GOLGA7B: variants seen among roughly 807,000 people sequenced by gnomAD.
GOLGA7B encodes the protein golgin subfamily A member 7B.
A neutral mutation model predicts 21.5 loss-of-function variants in GOLGA7B; 17 were observed. That is an observed-to-expected ratio of 0.79 (90% CI 0.54 to 1.19). GOLGA7B has a LOEUF of 1.19. GOLGA7B is among the 50% of genes most tolerant of loss of function. GOLGA7B has a pLI of 0.00. For synonymous variants in GOLGA7B, 87 were observed against 84.0 expected, an observed-to-expected ratio of 1.04 and a Z score of -0.19; for missense variants, 169 against 224.4, an observed-to-expected ratio of 0.75 and a Z score of 1.58.
intron 1 of GOLGA7B, among the ~76,000 whole-genome samples, chr10:97,856,103 A>C (rs914506352): frequency 4.6e-5 from 7 of 152,156 alleles, no homozygotes; most frequent in Non-Finnish European, 1.0e-4. Flanking sequence ...TTTTAGATTC[A>C]GGGAGTACAT....
rs2050060375 is a variant in GOLGA7B, at chr10:97,868,995, C to A, written c.*3295C>A. 1 of 152,242 alleles carries A rather than the reference C, an allele frequency of 6.6e-6. No homozygotes were observed. Among genetic ancestry groups the A allele is most frequent in the Non-Finnish European group, 1.5e-5 (1 of 68,046 alleles). The allele number at this position is 152,242 out of a possible 1,614,324, so 9.4% of individuals were successfully genotyped here. On this transcript the variant is annotated 3_prime_UTR_variant, in exon 5 of 5. Transcript: ENST00000370602. ...ATTTCCCATTTTACATATGGGGAAA[C>A]TGAGGCTCATGGACGTTAAGTAACT...
At chr10:97,858,349 C>CA (rs2049949166) in intron 1 of GOLGA7B, among the ~76,000 whole-genome samples, 1 of 152,160 alleles carries the variant, frequency 6.6e-6, no homozygotes, top group Non-Finnish European at 1.5e-5. Flanking sequence ...AGGAGAGACT[C>CA]AATAAATGAG....
intron 1 of GOLGA7B, 21 bp downstream of exon 1, chr10:97,850,336 C>A (rs749637048): frequency 1.2e-4 from 176 of 1,511,268 alleles, no homozygotes; most frequent in Non-Finnish European, 1.5e-4. Context: ...GCGCCCCACC[C>A]GCAGGCAGTG....
At chr10:97,858,920 TC>T (rs1008107796) in intron 1 of GOLGA7B, among the ~76,000 whole-genome samples, 1 of 152,232 alleles carries the variant, frequency 6.6e-6, no homozygotes, top group African/African-American at 2.4e-5. Flanking sequence ...AGTGCTGGGT[TC>T]CCCAGGCACA....
rs1329387087 is a variant in GOLGA7B at position 97,867,851 on chromosome 10, G to A, written c.*2151G>A. 2 of 152,302 alleles carry A rather than the reference G, an allele frequency of 1.3e-5. No individual in the cohort carries two copies. Among genetic ancestry groups the A allele is most frequent in the African/African-American group, 2.4e-5 (1 of 41,462 alleles). The allele number at this position is 152,302 out of a possible 1,614,324, so 9.4% of individuals were successfully genotyped here. ...CTGCCTGAACTGGACCTGACATGGG[G>A]AGCAGGATGAACTCTGTCTTCTTGG... On this transcript the variant is annotated 3_prime_UTR_variant, in exon 5 of 5. Transcript: ENST00000370602.
intron 2 of GOLGA7B, among the ~76,000 whole-genome samples, 185 bp downstream of exon 2, chr10:97,859,768 C>T (rs2049959374): frequency 6.6e-6 from 1 of 152,242 alleles, no homozygotes; most frequent in South Asian, 2.1e-4. Flanking sequence ...CTTACTGTCT[C>T]CTCATAGAAA....
chr10:97,859,410 C>T (rs377015068), intron 1 of GOLGA7B, 48 bp from the exon 2 acceptor site: 206 of 1,594,150 alleles, frequency 1.3e-4, no homozygotes, highest in Middle Eastern at 5.0e-4. Flanking sequence ...TGGGATATGC[C>T]GAGATGGATG....
chr10:97,857,790 C>G (rs532212298), intron 1 of GOLGA7B, among the ~76,000 whole-genome samples: 1 of 152,266 alleles, frequency 6.6e-6, no homozygotes, highest in Non-Finnish European at 1.5e-5. Context: ...GTATGGGTTA[C>G]TGGTACAAAA....
chr10:97,854,629 A>C (rs1386465465), intron 1 of GOLGA7B, among the ~76,000 whole-genome samples: 10 of 152,194 alleles, frequency 6.6e-5, no homozygotes, highest in Non-Finnish European at 4.4e-5. Flanking sequence ...CAGAGCCTGG[A>C]TAGTAGTCTA....
chr10:97,862,339 C>A (rs953581521), intron 2 of GOLGA7B, among the ~76,000 whole-genome samples: 3 of 152,148 alleles, frequency 2.0e-5, no homozygotes, highest in Non-Finnish European at 4.4e-5. Flanking sequence ...CCTGCACAGT[C>A]AAAAATCTGG....
At chr10:97,865,473 G>C (rs1360461751) in intron 4 of GOLGA7B, 117 bp from the exon 5 acceptor site, 1 of 1,535,716 alleles carries the variant, frequency 6.5e-7, no homozygotes, top group African/African-American at 1.4e-5. Flanking sequence ...CATCCCTACT[G>C]TCTAGGCAGC....
rs773172014 is a variant in GOLGA7B, at chr10:97,857,810, T to C, written c.13-1648T>C. ...GGTTACTGGTACAAAAATAGACACA[T>C]AGACCAATGGAACAGAACACAGAAC... On this transcript the variant is annotated intron_variant, in intron 1 of 4. Coordinates refer to ENST00000370602, the MANE Select transcript of GOLGA7B (RefSeq NM_001010917.3). Among the ~76,000 whole-genome samples the C allele has an allele frequency of 2.0e-5, 3 of 152,250 alleles. No individual in the cohort carries two copies. The South Asian group carries it at 6.2e-4, about 32-fold the overall frequency.
At chr10:97,856,252 G>A (rs940203755) in intron 1 of GOLGA7B, among the ~76,000 whole-genome samples, 9 of 152,084 alleles carry the variant, frequency 5.9e-5, no homozygotes, top group African/African-American at 1.9e-4. Context: ...AATCCCCAGT[G>A]TCTATTATTT....
At chr10:97,858,393 A>G (rs925417846) in intron 1 of GOLGA7B, among the ~76,000 whole-genome samples, 2 of 152,160 alleles carry the variant, frequency 1.3e-5, no homozygotes, top group Non-Finnish European at 2.9e-5. Flanking sequence ...GCTTAATTAC[A>G]TGGGATGAAC....
rs551309826 is a variant in GOLGA7B, at chr10:97,863,387, G to A, written c.139-543G>A. On this transcript the variant is annotated intron_variant, in intron 2 of 4. Transcript: ENST00000370602. ...AGCTTCTCAGGTGTCCAAACACACA[G>A]GGTGGTGGTGTTGTGGGTGACCTCT... 1.1e-3 allele frequency among the ~76,000 whole-genome samples: 172 copies of A among 152,296 alleles called. 1 individual carries two copies. Among genetic ancestry groups the A allele is most frequent in the Admixed American group, 5.6e-3 (86 of 15,306 alleles).
intron 1 of GOLGA7B, among the ~76,000 whole-genome samples, chr10:97,858,366 G>A (rs562701993): frequency 6.6e-6 from 1 of 152,320 alleles, no homozygotes; most frequent in Non-Finnish European, 1.5e-5. Context: ...TGAGAGCTGA[G>A]TGACTGAATG....
In GOLGA7B at chr10:97,864,189, T is replaced by G; in HGVS notation, c.313T>G (p.Tyr105Asp). 1 of 1,614,188 alleles carries G rather than the reference T, an allele frequency of 6.2e-7. No individual in the cohort carries two copies. Among genetic ancestry groups the G allele is most frequent in the Non-Finnish European group, 8.5e-7 (1 of 1,180,018 alleles). Reference protein sequence around the residue: ...YEKVLKKISRYIQEQNEKIFA... With the variant: ...YEKVLKKISRDIQEQNEKIFA... The stretch of plus-strand genomic sequence containing the variant: ...GCAGGTTCTCAAGAAGATTTCCCGC[T>G]ACATCCAGGAGCAGAATGAGAAGAT... Residue 105 changes from tyrosine (Y) to aspartate (D), a missense_variant, in exon 4 of 5, where the codon TAC becomes GAC. Physicochemically the swap from Tyr to Asp is radical, Grantham distance 160 (BLOSUM62 -3). Coordinates refer to ENST00000370602, the MANE Select transcript of GOLGA7B (RefSeq NM_001010917.3).
intron 1 of GOLGA7B, 47 bp from the exon 2 acceptor site, chr10:97,859,411 G>A (rs746014428): frequency 8.1e-6 from 13 of 1,600,398 alleles, no homozygotes; most frequent in Middle Eastern, 1.7e-4. Context: ...GGGATATGCC[G>A]AGATGGATGG....
chr10:97,861,823 C>T (rs1184429089), intron 2 of GOLGA7B, among the ~76,000 whole-genome samples: 1 of 152,160 alleles, frequency 6.6e-6, no homozygotes, highest in Non-Finnish European at 1.5e-5. Flanking sequence ...GCGGGGTGAC[C>T]CCCAGGGTGG....
Sources: gnomAD v4.1 joint callset for allele counts (sites outside exome capture counted in the v4.1 genomes callset) on GRCh38, gnomAD v4.1.1 for gene constraint, MANE v1.5 for transcripts, NCBI Gene and HGNC (gene_info 2026-07-23, HGNC 2026-07-21) for gene names.